The following VRK1 variants were observed in gnomAD, a reference collection of about 807,000 sequenced individuals.
VRK1 encodes the protein VRK serine/threonine kinase 1.
A neutral mutation model predicts 57.1 loss-of-function variants in VRK1; 33 were observed. That is an observed-to-expected ratio of 0.58 (90% CI 0.44 to 0.77). The LOEUF is 0.77. VRK1 is among the 30% of genes least tolerant of loss of function. The pLI, the probability that VRK1 is intolerant of heterozygous loss-of-function variation, is 0.00. For synonymous variants in VRK1, 137 were observed against 147.8 expected, an observed-to-expected ratio of 0.93 and a Z score of 0.53; for missense variants, 413 against 477.3, an observed-to-expected ratio of 0.87 and a Z score of 1.25.
intron 12 of VRK1, 121 bp from the exon 13 acceptor site, chr14:96,881,056 T>C (rs1889239227): frequency 1.1e-6 from 1 of 894,428 alleles, no homozygotes. Flanking sequence ...TCTTTGCAAA[T>C]CACGAGAGTC....
Position 96,856,220 on chromosome 14 carries a change from A to G in VRK1, c.800A>G (p.Asp267Gly), listed in dbSNP as rs1888147136. The change falls in exon 9 of 13, where the codon GAT becomes GGT. Residue 267 changes from aspartate to glycine, a missense_variant. Around this residue, in one of 3 missense-constraint regions of VRK1, gnomAD observed 151 missense variants for 225.5 expected, o/e 0.67. Transcript: ENST00000216639. ...GHLPWEDNLK[D>G]PKYVRDSKIR... is the part of the protein sequence containing the mutation. ...CTTCCTTGGGAGGATAATTTGAAAG[A>G]TCCTAAATATGTTAGAGATTCCAAA... 6.2e-7 allele frequency: 1 copy of G among 1,613,658 alleles called. No homozygotes were observed. The highest frequency in any genetic ancestry group is 2.2e-5 in the East Asian group (1 of 44,778).
At chr14:96,839,036 G>A (rs889306869) in intron 3 of VRK1, among the ~76,000 whole-genome samples, 7 of 148,640 alleles carry the variant, frequency 4.7e-5, no homozygotes, top group Non-Finnish European at 8.9e-5. Flanking sequence ...TTCTTATTCA[G>A]TCAAAACCCT....
chr14:96,822,625 T>G (rs1166174322), intron 1 of VRK1, among the ~76,000 whole-genome samples: 1 of 152,242 alleles, frequency 6.6e-6, no homozygotes, highest in Non-Finnish European at 1.5e-5. Flanking sequence ...ATTTTTAGAA[T>G]GGACTAACAC....
intron 1 of VRK1, among the ~76,000 whole-genome samples, chr14:96,807,067 A>G (rs1318872844): frequency 6.6e-6 from 1 of 152,204 alleles, no homozygotes; most frequent in Admixed American, 6.5e-5. Flanking sequence ...GAATTTCTCA[A>G]CCATGGGACT....
chr14:96,812,021 T>C (rs1886224820), intron 1 of VRK1, among the ~76,000 whole-genome samples: 1 of 152,206 alleles, frequency 6.6e-6, no homozygotes, highest in Non-Finnish European at 1.5e-5. Flanking sequence ...TCTGGAAATT[T>C]TACGTAATTG....
At chr14:96,860,759 CT>C in intron 11 of VRK1, 24 bp downstream of exon 11, 1 of 1,603,436 alleles carries the variant, frequency 6.2e-7, no homozygotes, top group Non-Finnish European at 8.5e-7. Context: ...TTAAATTATT[CT>C]TTGGTCTTCT....
At chr14:96,806,780 AC>A (rs1243656820) in intron 1 of VRK1, among the ~76,000 whole-genome samples, 3 of 152,210 alleles carry the variant, frequency 2.0e-5, no homozygotes, top group African/African-American at 7.2e-5. Flanking sequence ...CTGAAACAAA[AC>A]TTTTTTCAAT....
chr14:96,824,778 C>T lies in VRK1; in HGVS notation c.-5-8689C>T, dbSNP rs542560762. Among the ~76,000 whole-genome samples the T allele has an allele frequency of 2.0e-4, 30 of 151,592 alleles. No homozygotes were observed. The East Asian group carries it at 4.3e-3, about 22-fold the overall frequency. ...ACACCATTCTCCTGCCTCAGTCTCCCGAGTAGCTGGGACTACAGGCATCCA... is the reference window on the plus strand; with the variant it reads ...ACACCATTCTCCTGCCTCAGTCTCCTGAGTAGCTGGGACTACAGGCATCCA... On this transcript the variant is annotated intron_variant, in intron 1 of 12. Coordinates refer to ENST00000216639, the MANE Select transcript of VRK1 (RefSeq NM_003384.3).
At chr14:96,879,781 TACCTGGGCGTGGTG>T (rs1889179796) in intron 12 of VRK1, among the ~76,000 whole-genome samples, 1 of 151,846 alleles carries the variant, frequency 6.6e-6, no homozygotes, top group Admixed American at 6.6e-5. Context: ...ATACAAAAAT[TACCTGGGCGTGGTG>T]ACAGGCACCT....
intron 12 of VRK1, among the ~76,000 whole-genome samples, chr14:96,880,276 A>G (rs1889205947): frequency 6.6e-6 from 1 of 152,324 alleles, no homozygotes; most frequent in Non-Finnish European, 1.5e-5. Flanking sequence ...CATTCAAAGA[A>G]TGTTTCGTAC....
intron 1 of VRK1, among the ~76,000 whole-genome samples, chr14:96,811,144 TG>T (rs1319449259): frequency 1.3e-5 from 2 of 152,108 alleles, no homozygotes; most frequent in African/African-American, 4.8e-5. Flanking sequence ...TTGGCCAGGC[TG>T]GTCTTGAACT....
chr14:96,829,787 TA>T (rs1166904382), intron 1 of VRK1, among the ~76,000 whole-genome samples: 1 of 152,166 alleles, frequency 6.6e-6, no homozygotes, highest in African/African-American at 2.4e-5. Flanking sequence ...TTGCCCATTA[TA>T]TACTCTTTTC....
intron 11 of VRK1, among the ~76,000 whole-genome samples, chr14:96,870,520 G>GACCGT: frequency 6.6e-6 from 1 of 152,254 alleles, no homozygotes; most frequent in South Asian, 2.1e-4. Context: ...TAGTCTTCTA[G>GACCGT]ACCGTAGTTC....
rs577911849 is a variant in VRK1, at chr14:96,838,203, C to G, written c.216+386C>G. Reference sequence around the variant, plus strand: ...TTATTTTGCATTTGCTTCTGGACTTCTACTTGGTCAATTTTTTCTGTTCCC... The same window carrying G: ...TTATTTTGCATTTGCTTCTGGACTTGTACTTGGTCAATTTTTTCTGTTCCC... On this transcript the variant is annotated intron_variant, in intron 3 of 12. Transcript: ENST00000216639. 3.3e-5 allele frequency among the ~76,000 whole-genome samples: 5 copies of G among 149,998 alleles called. No individual in the cohort carries two copies. In the East Asian group the frequency reaches 9.7e-4, roughly 29 times the overall value.
chr14:96,868,785 G>C, intron 11 of VRK1, among the ~76,000 whole-genome samples: 1 of 146,868 alleles, frequency 6.8e-6, no homozygotes, highest in African/African-American at 2.5e-5. Context: ...CTTCGGAAAT[G>C]TTAAGCATTT....
intron 1 of VRK1, among the ~76,000 whole-genome samples, chr14:96,806,991 A>G (rs1335364214): frequency 1.3e-5 from 2 of 152,208 alleles, no homozygotes; most frequent in South Asian, 2.1e-4. Context: ...TTCTTGTGAC[A>G]TCATCACATG....
chr14:96,877,690 G>C (rs532560898), intron 12 of VRK1: 1 of 1,259,122 alleles, frequency 7.9e-7, no homozygotes, highest in South Asian at 1.3e-5. Flanking sequence ...CATTGTTCTA[G>C]TGAGATTGAC....
At chr14:96,804,073 A>G (rs1213241014) in intron 1 of VRK1, among the ~76,000 whole-genome samples, 3 of 152,180 alleles carry the variant, frequency 2.0e-5, no homozygotes, top group East Asian at 1.9e-4. Flanking sequence ...TTTAGTGCCT[A>G]TCTTAGAACT....
chr14:96,841,137 C>T (rs1035057278), intron 3 of VRK1, among the ~76,000 whole-genome samples: 14 of 152,112 alleles, frequency 9.2e-5, no homozygotes, highest in African/African-American at 3.4e-4. Flanking sequence ...GGGTTACAGG[C>T]ATGAGCCATG....
Sources: allele counts gnomAD v4.1 joint callset (sites outside exome capture counted in the v4.1 genomes callset), GRCh38; gene constraint gnomAD v4.1.1; regional missense constraint gnomAD v4.1.1; transcripts MANE v1.5; gene names NCBI Gene and HGNC (gene_info 2026-07-23, HGNC 2026-07-21).